The following ST3GAL3 variants were observed in gnomAD, a reference collection of about 807,000 sequenced individuals.
The protein encoded by ST3GAL3 is CMP-N-acetylneuraminate-beta-1,4-galactoside alpha-2,3-sialyltransferase.
A neutral mutation model predicts 50.1 loss-of-function variants in ST3GAL3; 21 were observed. The observed-to-expected ratio is 0.42, with a 90% CI of 0.30 to 0.60. ST3GAL3 has a LOEUF of 0.60. Ranked by LOEUF, ST3GAL3 falls within the 20% of genes least tolerant of loss-of-function variation. The probability of loss-of-function intolerance (pLI) is 0.19; values close to 1 mark genes in which losing one functional copy is unlikely to be tolerated. For synonymous variants in ST3GAL3, 183 were observed against 190.0 expected (o/e 0.96, Z 0.30); for missense variants, 353 against 489.4 (o/e 0.72, Z 2.63).
intron 1 of ST3GAL3, among the ~76,000 whole-genome samples, chr1:43,708,884 G>A (rs1223714275): frequency 6.6e-6 from 1 of 152,160 alleles, no homozygotes; most frequent in Non-Finnish European, 1.5e-5. Flanking sequence ...TTTATGCAAG[G>A]CATTGACTGA....
intron 9 of ST3GAL3, among the ~76,000 whole-genome samples, chr1:43,911,599 A>T (rs114799134): frequency 0.02 from 3,065 of 151,028 alleles, 125 homozygotes; most frequent in African/African-American, 0.072. Context: ...ATATATCTGT[A>T]GCTATAGATA....
At chr1:43,925,173 C>T (rs2083696147) in intron 11 of ST3GAL3, among the ~76,000 whole-genome samples, 1 of 151,788 alleles carries the variant, frequency 6.6e-6, no homozygotes, top group African/African-American at 2.4e-5. Context: ...GCCTGTAATC[C>T]CAGCTACTCC....
chr1:43,924,668 A>C (rs1300850195), intron 11 of ST3GAL3, among the ~76,000 whole-genome samples: 2 of 152,212 alleles, frequency 1.3e-5, no homozygotes, highest in African/African-American at 4.8e-5. Context: ...CCTGAACCAG[A>C]TCTTTGGCTG....
intron 1 of ST3GAL3, chr1:43,716,558 T>C (rs948474125): frequency 1.3e-5 from 2 of 152,176 alleles, no homozygotes; most frequent in Non-Finnish European, 2.9e-5. Flanking sequence ...CATAAAAAAA[T>C]CTTTTTAACA....
chr1:43,817,987 A>G (rs1451867717), intron 4 of ST3GAL3, among the ~76,000 whole-genome samples: 2 of 151,808 alleles, frequency 1.3e-5, no homozygotes, highest in Non-Finnish European at 2.9e-5. Flanking sequence ...CTCCTGCCTC[A>G]GCCTCCTAAA....
intron 3 of ST3GAL3, among the ~76,000 whole-genome samples, chr1:43,803,087 G>A (rs796114854): frequency 6.6e-6 from 1 of 152,094 alleles, no homozygotes; most frequent in African/African-American, 2.4e-5. Flanking sequence ...CACCACACCT[G>A]GCTAATTTTT....
chr1:43,760,648 C>T lies in ST3GAL3; in HGVS notation c.118+24268C>T, dbSNP rs563681241. Among the ~76,000 whole-genome samples the T allele has an allele frequency of 4.6e-5, 7 of 151,982 alleles. No individual in the cohort carries two copies. In the East Asian group the frequency reaches 5.8e-4, roughly 13 times the overall value. ...GTAGGCACCTGTAGTCCCAGCTACTCGGGAGGCTGAGGCAGGAGAATCGCT... is the reference window on the plus strand; with the variant it reads ...GTAGGCACCTGTAGTCCCAGCTACTTGGGAGGCTGAGGCAGGAGAATCGCT... On this transcript the variant is annotated intron_variant, in intron 2 of 11. Transcript: ENST00000347631.
At chr1:43,921,830 C>T (rs1179899103) in intron 11 of ST3GAL3, 4 of 398,446 alleles carry the variant, frequency 1.0e-5, no homozygotes, top group Non-Finnish European at 1.8e-5. Context: ...CCACTTGGCC[C>T]TTCACCCCTT....
intron 9 of ST3GAL3, chr1:43,914,171 G>C (rs971340377): frequency 3.3e-5 from 5 of 152,186 alleles, no homozygotes; most frequent in Admixed American, 3.3e-4. Flanking sequence ...GATTAAATCC[G>C]GGACTTTTAG....
At chr1:43,909,809 C>T (rs1035223702) in intron 9 of ST3GAL3, among the ~76,000 whole-genome samples, 5 of 152,166 alleles carry the variant, frequency 3.3e-5, no homozygotes, top group African/African-American at 1.2e-4. Context: ...CCATTAGAAT[C>T]CCAGCAGATA....
intron 1 of ST3GAL3, among the ~76,000 whole-genome samples, chr1:43,733,287 A>G (rs900796091): frequency 5.9e-5 from 9 of 152,158 alleles, no homozygotes; most frequent in African/African-American, 1.9e-4. Context: ...GCTAGGCCCT[A>G]TGACAAATAA....
chr1:43,734,002 C>T lies in ST3GAL3; in HGVS notation c.-30-2231C>T, dbSNP rs188361585. Among the ~76,000 whole-genome samples, 125 of 152,024 alleles carry T rather than the reference C, an allele frequency of 8.2e-4. 2 individuals are homozygous for T. Among genetic ancestry groups the T allele is most frequent in the Middle Eastern group, 3.4e-3 (1 of 294 alleles). Reference sequence around the variant, plus strand: ...GCGCGTGCCTGTAATCCCAGCTACTCGGGAGGCTGAGGCAGGAGAATCGCT... The same window carrying T: ...GCGCGTGCCTGTAATCCCAGCTACTTGGGAGGCTGAGGCAGGAGAATCGCT... On this transcript the variant is annotated intron_variant, in intron 1 of 11. Transcript: ENST00000347631.
At chr1:43,771,609 G>A (rs529346517) in intron 2 of ST3GAL3, among the ~76,000 whole-genome samples, 13 of 152,000 alleles carry the variant, frequency 8.6e-5, no homozygotes, top group Non-Finnish European at 1.5e-5. Flanking sequence ...TGCCCGCCTC[G>A]GCCTCCCAAA....
Position 43,909,914 on chromosome 1 carries a change from T to A in ST3GAL3, c.744+10187T>A, listed in dbSNP as rs192459159. The stretch of plus-strand genomic sequence containing the variant: ...TTCCTAGCAGTCAGAGAAATTAATG[T>A]GAAGGAAACAGGGTGCCATTTATCA... On this transcript the variant is annotated intron_variant, in intron 9 of 11. Transcript: ENST00000347631. Among the ~76,000 whole-genome samples the A allele has an allele frequency of 9.1e-4, 139 of 152,316 alleles. 1 individual carries two copies. Among genetic ancestry groups the A allele is most frequent in the Admixed American group, 9.0e-3 (138 of 15,296 alleles).
chr1:43,764,639 C>T (rs1005851296), intron 2 of ST3GAL3, among the ~76,000 whole-genome samples: 2 of 152,216 alleles, frequency 1.3e-5, no homozygotes, highest in African/African-American at 4.8e-5. Context: ...AGTAAAAGGC[C>T]TCAGCCCACC....
chr1:43,923,399 G>T (rs530810344), intron 11 of ST3GAL3, among the ~76,000 whole-genome samples: 2 of 152,108 alleles, frequency 1.3e-5, no homozygotes, highest in Admixed American at 6.5e-5. Context: ...GGCTTTTTTG[G>T]TTCTTAGCCC....
intron 1 of ST3GAL3, among the ~76,000 whole-genome samples, chr1:43,714,135 G>A (rs1430080500): frequency 6.6e-6 from 1 of 151,870 alleles, no homozygotes; most frequent in African/African-American, 2.4e-5. Context: ...ATGGTGGCAG[G>A]CGCCTGTAAT....
chr1:43,896,062 G>T (rs2077351581), intron 6 of ST3GAL3, among the ~76,000 whole-genome samples: 1 of 152,190 alleles, frequency 6.6e-6, no homozygotes, highest in African/African-American at 2.4e-5. Flanking sequence ...CCACCGTAAG[G>T]TATATCTGAA....
rs5773815 is a variant in ST3GAL3 at position 43,857,469 on chromosome 1, C to CTCCTTCCTTCCT, written c.302+19178_302+19189dup. 5.4e-3 allele frequency among the ~76,000 whole-genome samples: 699 copies of CTCCTTCCTTCCT among 129,436 alleles called. 14 individuals are homozygous for CTCCTTCCTTCCT. The highest frequency in any genetic ancestry group is 0.011 in the African/African-American group (393 of 36,808). 84.9% of individuals were successfully genotyped at this position (129,436 alleles called of 152,430 possible). Reference sequence around the variant, plus strand: ...GCTTATATTTTATATGTGTATTTCCCTCCTTCCTTCCTTCCTTCCTTCCTT... The same window carrying CTCCTTCCTTCCT: ...GCTTATATTTTATATGTGTATTTCCCTCCTTCCTTCCTTCCTTCCTTCCTTCCTTCCTTCCTT... On this transcript the variant is annotated intron_variant, in intron 5 of 11. Transcript: ENST00000347631.
Sources: gnomAD v4.1 joint callset for allele counts (sites outside exome capture counted in the v4.1 genomes callset) on GRCh38, gnomAD v4.1.1 for gene constraint, MANE v1.5 for transcripts, NCBI Gene and HGNC (gene_info 2026-07-23, HGNC 2026-07-21) for gene names.